The following RREB1 variants were observed in gnomAD, a reference collection of about 807,000 sequenced individuals.
RREB1 encodes the protein ras responsive element binding protein 1.
Under a neutral mutation model 117.8 loss-of-function variants are expected in RREB1, and 27 were observed. The ratio of observed to expected loss-of-function variants is 0.23; its 90% confidence interval spans 0.17 to 0.32. RREB1 has a LOEUF of 0.32. RREB1 is among the 10% of genes least tolerant of loss of function. The pLI is 1.00. For synonymous variants in RREB1, 1,298 were observed against 1,026.7 expected (o/e 1.26, Z -5.05); for missense variants, 2,577 against 2,378.2 (o/e 1.08, Z -1.74).
At chr6:7,242,708 G>GA (rs753546718) in intron 11 of RREB1, among the ~76,000 whole-genome samples, 1 of 151,342 alleles carries the variant, frequency 6.6e-6, no homozygotes, top group African/African-American at 2.4e-5. Context: ...AAAGGGGGGG[G>GA]GGGAAGGAAA....
chr6:7,201,673 C>T (rs1765995158), intron 6 of RREB1, among the ~76,000 whole-genome samples: 1 of 152,156 alleles, frequency 6.6e-6, no homozygotes. Flanking sequence ...GGTTGTTGGC[C>T]TTCAGTGGAG....
At chr6:7,125,689 T>C (rs1484375316) in intron 1 of RREB1, among the ~76,000 whole-genome samples, 1 of 152,152 alleles carries the variant, frequency 6.6e-6, no homozygotes, top group Non-Finnish European at 1.5e-5. Flanking sequence ...GCCTCAGAAC[T>C]GGTATTGGGG....
intron 8 of RREB1, chr6:7,214,189 G>A (rs1324243678): frequency 6.6e-6 from 1 of 152,328 alleles, no homozygotes; most frequent in East Asian, 1.9e-4. Flanking sequence ...GTGATGGTAG[G>A]GCTGGTGCTG....
chr6:7,146,715 AG>A (rs1581448772), intron 1 of RREB1, among the ~76,000 whole-genome samples: 1 of 151,684 alleles, frequency 6.6e-6, no homozygotes, highest in East Asian at 1.9e-4. Flanking sequence ...TTTGGCTGTT[AG>A]AAGCAGACTC....
intron 1 of RREB1, among the ~76,000 whole-genome samples, chr6:7,174,900 C>G (rs944889124): frequency 4.6e-5 from 7 of 152,030 alleles, no homozygotes; most frequent in African/African-American, 1.7e-4. Context: ...TGAGCCACCG[C>G]GCCTGGCCTA....
intron 6 of RREB1, among the ~76,000 whole-genome samples, chr6:7,199,324 T>G (rs1467416363): frequency 1.3e-5 from 2 of 152,234 alleles, no homozygotes; most frequent in African/African-American, 2.4e-5. Context: ...TCACGTTAGG[T>G]GCTCAACAAA....
Position 7,230,548 on chromosome 6 carries a change from C to T in RREB1, c.2449C>T (p.Pro817Ser). 3 of 1,598,814 alleles carry T rather than the reference C, an allele frequency of 1.9e-6. No individual in the cohort carries two copies. The highest frequency in any genetic ancestry group is 2.6e-6 in the Non-Finnish European group (3 of 1,176,396). ...CATCCTCAAGCAGCACCTGCACGTG[C>T]CCGAGCAGGACATCGAGAGCTACGT... The part of the protein sequence containing the change: ...HHILKQHLHV[P>S]EQDIESYVLA... The change falls in exon 10 of 13, where the codon CCC becomes TCC. Residue 817 changes from proline (P) to serine (S), a missense_variant. Pro to Ser is a moderately conservative substitution (Grantham distance 74, BLOSUM62 -1). Coordinates refer to ENST00000379938, the MANE Select transcript of RREB1 (RefSeq NM_001003699.4).
In RREB1 at chr6:7,231,460, A is replaced by G. The variant is rs761040744; in HGVS notation, c.3361A>G (p.Thr1121Ala). 23 of 1,612,990 alleles carry G rather than the reference A, an allele frequency of 1.4e-5. No individual in the cohort carries two copies. The highest frequency in any genetic ancestry group is 1.9e-5 in the Non-Finnish European group (23 of 1,179,756). ...AATTATPAAT[T>A]SPKESSEPPA... Reference sequence around the variant, plus strand: ...CACCACCGCCACCCCCGCTGCCACCACCAGCCCAAAAGAGTCTAGTGAGCC... The same window carrying G: ...CACCACCGCCACCCCCGCTGCCACCGCCAGCCCAAAAGAGTCTAGTGAGCC... The change falls in exon 10 of 13, where the codon ACC becomes GCC. Residue 1121 changes from threonine (T) to alanine (A), a missense_variant. Transcript: ENST00000379938.
At position 7,229,725 on chromosome 6, in the gene RREB1, G is replaced by T; in HGVS notation, c.1626G>T (p.Leu542=). 6.2e-7 allele frequency: 1 copy of T among 1,600,564 alleles called. No individual in the cohort carries two copies. Among genetic ancestry groups the T allele is most frequent in the Non-Finnish European group, 8.5e-7 (1 of 1,171,526 alleles). The part of the protein sequence containing the change: ...QASPGCISPS[L]PPPPLKLLKG... The stretch of plus-strand genomic sequence containing the variant: ...CCCCGGGCTGTATCAGCCCCAGCCT[G>T]CCGCCACCGCCCCTGAAGCTCCTCA... Residue 542 remains leucine (L), a synonymous_variant, in exon 10 of 13, where the codon CTG becomes CTT. Transcript: ENST00000379938. The surrounding 1 kb of genome is among the most constrained non-coding windows in gnomAD (Gnocchi z 4.5).
chr6:7,234,634 T>C (rs1393096497), intron 10 of RREB1, among the ~76,000 whole-genome samples: 2 of 152,232 alleles, frequency 1.3e-5, no homozygotes, highest in African/African-American at 4.8e-5. Flanking sequence ...CCTTAAAAGT[T>C]ATTGATAACC....
intron 8 of RREB1, chr6:7,212,703 G>A (rs1766685298): frequency 6.6e-6 from 1 of 152,128 alleles, no homozygotes; most frequent in Non-Finnish European, 1.5e-5. Context: ...AGGAATTTGG[G>A]CATCTGTTTG....
rs200721222 is a variant in RREB1 at position 7,178,676 on chromosome 6, C to CT, written c.-166+1910dup. The stretch of plus-strand genomic sequence containing the variant: ...CAGGGATGAGGCCAGTGACTCTTTT[C>CT]TTTTTTTCAAACAGTGTAGCTATGA... On this transcript the variant is annotated intron_variant, in intron 2 of 12. Transcript: ENST00000379938. Among the ~76,000 whole-genome samples, 1,154 of 152,242 alleles carry CT rather than the reference C, an allele frequency of 7.6e-3. 13 individuals carry two copies. Among genetic ancestry groups the CT allele is most frequent in the African/African-American group, 0.026 (1,080 of 41,558 alleles).
chr6:7,207,629 C>G (rs377392146), intron 6 of RREB1, among the ~76,000 whole-genome samples: 135 of 152,268 alleles, frequency 8.9e-4, no homozygotes, highest in Admixed American at 3.2e-3. Flanking sequence ...CAGATCACAT[C>G]CAGACTGGAG....
chr6:7,136,826 A>G (rs1156493744), intron 1 of RREB1, among the ~76,000 whole-genome samples: 1 of 152,202 alleles, frequency 6.6e-6, no homozygotes, highest in East Asian at 1.9e-4. Context: ...GGCTTGTGAA[A>G]GCCCGTCGTT....
chr6:7,145,401 C>T (rs933442360), intron 1 of RREB1, among the ~76,000 whole-genome samples: 1 of 152,148 alleles, frequency 6.6e-6, no homozygotes, highest in Non-Finnish European at 1.5e-5. Context: ...GAATTTTCAC[C>T]AGGTAGAAAC....
chr6:7,168,128 G>T (rs969082886), intron 1 of RREB1, among the ~76,000 whole-genome samples: 3 of 151,956 alleles, frequency 2.0e-5, no homozygotes, highest in Non-Finnish European at 4.4e-5. Flanking sequence ...GGTGATGCAT[G>T]CCTGTAATCC....
chr6:7,176,281 C>G (rs889439816), intron 1 of RREB1, among the ~76,000 whole-genome samples: 1 of 152,166 alleles, frequency 6.6e-6, no homozygotes, highest in African/African-American at 2.4e-5. Flanking sequence ...TAATTGCTGC[C>G]TTGCTTTTCT....
intron 1 of RREB1, among the ~76,000 whole-genome samples, chr6:7,156,612 C>T (rs987343988): frequency 6.6e-6 from 1 of 152,150 alleles, no homozygotes; most frequent in Admixed American, 6.5e-5. Flanking sequence ...AATTTTTTCT[C>T]CTTTTGGAGA....
At chr6:7,113,389 G>A (rs576672772) in intron 1 of RREB1, among the ~76,000 whole-genome samples, 1 of 152,268 alleles carries the variant, frequency 6.6e-6, no homozygotes, top group South Asian at 2.1e-4. Flanking sequence ...TTATGAAAGT[G>A]TCTGATACTT....
Sources: gnomAD v4.1 joint callset for allele counts (sites outside exome capture counted in the v4.1 genomes callset) on GRCh38, gnomAD v4.1.1 for gene constraint, Gnocchi (gnomAD v3.1) non-coding constraint, MANE v1.5 for transcripts, NCBI Gene and HGNC (gene_info 2026-07-23, HGNC 2026-07-21) for gene names.